IL1RAPL1: variants seen among roughly 807,000 people sequenced by gnomAD.
The protein encoded by IL1RAPL1 is interleukin-1 receptor accessory protein-like 1.
IL1RAPL1 carries 3 observed loss-of-function variants against 48.4 expected under a neutral mutation model. The observed-to-expected ratio is 0.06, with a 90% CI of 0.03 to 0.16. The LOEUF (loss-of-function observed/expected upper bound fraction) is 0.16, where lower values mean the gene tolerates loss of function less well. IL1RAPL1 is among the 10% of genes least tolerant of loss of function. IL1RAPL1 has a pLI of 1.00. For missense variants in IL1RAPL1, 349 were observed against 530.6 expected (o/e 0.66, Z 3.36); for synonymous variants, 185 against 187.7 (o/e 0.99, Z 0.12).
chrX:29,827,322 G>T (rs931536233), intron 6 of IL1RAPL1, among the ~76,000 whole-genome samples: 1 of 112,445 alleles, frequency 8.9e-6, no homozygotes, highest in Non-Finnish European at 1.9e-5. Context: ...TATAAAGGAA[G>T]AACTTATTCC....
chrX:28,805,870 T>TAC (rs1458771137), intron 2 of IL1RAPL1, among the ~76,000 whole-genome samples: 6 of 110,716 alleles, frequency 5.4e-5, no homozygotes, highest in African/African-American at 1.6e-4. Flanking sequence ...TATGTATATA[T>TAC]ATATATATCT....
intron 1 of IL1RAPL1, among the ~76,000 whole-genome samples, chrX:28,778,492 A>C (rs939815296): frequency 1.8e-5 from 2 of 111,834 alleles, no homozygotes; most frequent in Non-Finnish European, 3.8e-5. Flanking sequence ...TTAGAACCCA[A>C]AAAGTTTCTT....
chrX:29,834,019 A>T (rs142067011), intron 6 of IL1RAPL1, among the ~76,000 whole-genome samples: 137 of 112,131 alleles, frequency 1.2e-3, no homozygotes, highest in African/African-American at 4.4e-3. Flanking sequence ...CATCGCCTCC[A>T]CCATAAAGCA....
intron 2 of IL1RAPL1, among the ~76,000 whole-genome samples, chrX:29,203,587 C>T (rs949804561): frequency 9.3e-6 from 1 of 108,086 alleles, no homozygotes. Flanking sequence ...GGCGTAGTGG[C>T]GCATGCCTGT....
intron 1 of IL1RAPL1, among the ~76,000 whole-genome samples, chrX:28,748,466 G>A (rs894301967): frequency 1.2e-4 from 13 of 111,618 alleles, no homozygotes; most frequent in Admixed American, 3.8e-4. Context: ...TGGTGAAGGA[G>A]TACTCCTACA....
rs147974503 is a variant in IL1RAPL1 at position 28,996,400 on chromosome X, C to T, written c.82+206975C>T. ...GGGTAGTTTCTATTTTGGGCTATTA[C>T]GAATAATGTTGCCATAAAATTTTTT... is the stretch of plus-strand genomic sequence containing the variant. On this transcript the variant is annotated intron_variant, in intron 2 of 10. Transcript: ENST00000378993. 2.2e-3 allele frequency among the ~76,000 whole-genome samples: 247 copies of T among 111,528 alleles called. 2 individuals carry two copies. Among genetic ancestry groups the T allele is most frequent in the African/African-American group, 7.4e-3 (229 of 30,755 alleles).
rs1218204797 is a variant in IL1RAPL1, at chrX:28,831,050, G to C, written c.82+41625G>C. 7.5e-3 allele frequency among the ~76,000 whole-genome samples: 643 copies of C among 85,240 alleles called. 9 individuals carry two copies. The highest frequency in any genetic ancestry group is 0.034 in the East Asian group (68 of 2,005). The allele number at this position is 85,240 out of a possible 115,157, so 74.0% of individuals were successfully genotyped here. A position where few individuals can be genotyped will look rare whatever the true frequency, so the allele number is the denominator to read the frequency against. On this transcript the variant is annotated intron_variant, in intron 2 of 10. Coordinates refer to ENST00000378993, the MANE Select transcript of IL1RAPL1 (RefSeq NM_014271.4). ...TCTGTGTGTGTGTGTGTGTGTGTGT[G>C]TGTGTGTGTGTGTGTGTGTGTGTGT...
At chrX:29,803,172 C>CATACATATATGTATATATGTATACAT (rs1163408415) in intron 6 of IL1RAPL1, among the ~76,000 whole-genome samples, 1 of 57,625 alleles carries the variant, frequency 1.7e-5, no homozygotes, top group Non-Finnish European at 3.2e-5. Flanking sequence ...TACACATATG[C>CATACATATATGTATATATGTATACAT]ATACATATAT....
intron 6 of IL1RAPL1, among the ~76,000 whole-genome samples, chrX:29,897,304 CTATT>C (rs201811637): frequency 0.033 from 3,718 of 111,617 alleles, 121 homozygotes; most frequent in Admixed American, 0.14. Flanking sequence ...TGACCAGTTT[CTATT>C]TATTTTTTTT....
intron 5 of IL1RAPL1, among the ~76,000 whole-genome samples, chrX:29,622,209 A>G (rs755832378): frequency 8.9e-6 from 1 of 112,498 alleles, no homozygotes; most frequent in Admixed American, 9.4e-5. Context: ...TGTGGTAATC[A>G]ATAGCATAGG....
intron 1 of IL1RAPL1, among the ~76,000 whole-genome samples, chrX:28,760,523 T>C (rs1375266880): frequency 8.9e-6 from 1 of 111,832 alleles, no homozygotes; most frequent in African/African-American, 3.3e-5. Flanking sequence ...ACTAACACTT[T>C]ATTAGCCCAT....
intron 6 of IL1RAPL1, among the ~76,000 whole-genome samples, chrX:29,774,782 T>C (rs1929153192): frequency 9.0e-6 from 1 of 111,637 alleles, no homozygotes; most frequent in Non-Finnish European, 1.9e-5. Context: ...TTACACAGGG[T>C]AGCTTCATTT....
At chrX:28,721,960 G>T (rs919477416) in intron 1 of IL1RAPL1, among the ~76,000 whole-genome samples, 14 of 111,699 alleles carry the variant, frequency 1.3e-4, no homozygotes, top group Admixed American at 5.7e-4. Flanking sequence ...CTGTATCTCT[G>T]TTTTGGTACC....
chrX:28,590,823 GA>G (rs1477227931), intron 1 of IL1RAPL1, among the ~76,000 whole-genome samples: 1 of 112,024 alleles, frequency 8.9e-6, no homozygotes, highest in Admixed American at 9.5e-5. Context: ...TAGCAGGATG[GA>G]AAAAGATTCT....
chrX:28,940,282 T>G (rs1924132612), intron 2 of IL1RAPL1, among the ~76,000 whole-genome samples: 1 of 111,101 alleles, frequency 9.0e-6, no homozygotes, highest in South Asian at 3.7e-4. Context: ...TAAATTATTG[T>G]GAAGTTTAGT....
At chrX:29,952,579 G>T (rs948013796) in intron 9 of IL1RAPL1, among the ~76,000 whole-genome samples, 6 of 112,003 alleles carry the variant, frequency 5.4e-5, no homozygotes, top group Non-Finnish European at 1.1e-4. Flanking sequence ...TGACTTTATT[G>T]TGTGCTTTCA....
In IL1RAPL1 at chrX:28,679,312, G is replaced by A. The variant is rs891581935; in HGVS notation, c.-25+91265G>A. 9.0e-5 allele frequency among the ~76,000 whole-genome samples: 10 copies of A among 111,129 alleles called. No homozygotes were observed. The South Asian group carries it at 1.9e-3, about 21-fold the overall frequency. On this transcript the variant is annotated intron_variant, in intron 1 of 10. Coordinates refer to ENST00000378993, the MANE Select transcript of IL1RAPL1 (RefSeq NM_014271.4). Reference sequence around the variant, plus strand: ...ATTCGGGTTTTTTTTCCATTATTTCGTTTTCATTATTGTATGAGTTCCTCA... The same window carrying A: ...ATTCGGGTTTTTTTTCCATTATTTCATTTTCATTATTGTATGAGTTCCTCA...
chrX:29,179,082 C>G (rs916943596), intron 2 of IL1RAPL1, among the ~76,000 whole-genome samples: 1 of 111,397 alleles, frequency 9.0e-6, no homozygotes, highest in African/African-American at 3.3e-5. Context: ...AATGCTGGCT[C>G]TTTTTTGGTT....
At chrX:28,930,904 T>C (rs972844802) in intron 2 of IL1RAPL1, among the ~76,000 whole-genome samples, 8 of 111,067 alleles carry the variant, frequency 7.2e-5, no homozygotes, top group African/African-American at 1.3e-4. Flanking sequence ...GCCTCCCAAA[T>C]TGCTGGGATT....
Sources: gnomAD v4.1 joint callset for allele counts (sites outside exome capture counted in the v4.1 genomes callset) on GRCh38, gnomAD v4.1.1 for gene constraint, MANE v1.5 for transcripts, NCBI Gene and HGNC (gene_info 2026-07-23, HGNC 2026-07-21) for gene names.